Variants in GLIS3 observed in about 807,000 individuals in gnomAD.
The protein encoded by GLIS3 is GLIS family zinc finger 3, also known as zinc finger protein GLIS3.
In GLIS3, 53 loss-of-function variants were observed where a neutral mutation model predicts 78.6. That is an observed-to-expected ratio of 0.67 (90% CI 0.54 to 0.85). GLIS3 has a LOEUF of 0.85. Ranked by LOEUF, GLIS3 falls within the 40% of genes least tolerant of loss-of-function variation. The pLI, the probability that GLIS3 is intolerant of heterozygous loss-of-function variation, is 0.00. For synonymous variants in GLIS3, 684 were observed against 509.9 expected, an observed-to-expected ratio of 1.34 and a Z score of -4.60; for missense variants, 1,703 against 1,231.1, an observed-to-expected ratio of 1.38 and a Z score of -5.74.
the GLIS3 span, among the ~76,000 whole-genome samples, chr9:4,377,926 C>G: frequency 0.02 from 2,976 of 152,118 alleles, 113 homozygotes; most frequent in African/African-American, 0.069. Context: ...TTTATAATAG[C>G]AACCAATATT....
chr9:4,051,610 G>A (rs1009815818), intron 4 of GLIS3, among the ~76,000 whole-genome samples: 4 of 152,170 alleles, frequency 2.6e-5, no homozygotes, highest in African/African-American at 7.2e-5. Context: ...ATAAAGACTT[G>A]AGAAACTAAA....
At chr9:3,885,457 G>A (rs117714387) in intron 7 of GLIS3, among the ~76,000 whole-genome samples, 4,331 of 152,216 alleles carry the variant, frequency 0.028, 88 homozygotes, top group Middle Eastern at 0.041. Flanking sequence ...AGGGGGAACC[G>A]GTATTACCCA....
chr9:4,079,042 A>T (rs1828322833), intron 4 of GLIS3, among the ~76,000 whole-genome samples: 1 of 152,160 alleles, frequency 6.6e-6, no homozygotes, highest in Non-Finnish European at 1.5e-5. Context: ...CCAAGGTAAA[A>T]CAGCTTAATG....
intron 4 of GLIS3, among the ~76,000 whole-genome samples, chr9:3,979,553 CT>C (rs1264180244): frequency 6.6e-6 from 1 of 152,150 alleles, no homozygotes; most frequent in Non-Finnish European, 1.5e-5. Context: ...GCTTCAGTTT[CT>C]TAATTGTTCT....
Position 4,133,430 on chromosome 9 carries a change from G to T in GLIS3, c.389-7489C>A, listed in dbSNP as rs554399682. Among the ~76,000 whole-genome samples, 3 of 152,246 alleles carry T rather than the reference G, an allele frequency of 2.0e-5. No homozygotes were observed. In the East Asian group the frequency reaches 5.8e-4, roughly 29 times the overall value. On this transcript the variant is annotated intron_variant, in intron 2 of 10. Transcript: ENST00000381971. ...ACCAACTAGGGTTGGGATATCACTC[G>T]ACACTTGGGTACTAAAAACAGACAG...
rs139519590 is a variant in GLIS3 at position 4,272,349 on chromosome 9, G to T, written c.388+13689C>A. Reference sequence around the variant, plus strand: ...CTGGTAGACATAATGTATCTTTCAGGAAATCACTCCCAATTGCCAAGAACC... The same window carrying T: ...CTGGTAGACATAATGTATCTTTCAGTAAATCACTCCCAATTGCCAAGAACC... On this transcript the variant is annotated intron_variant, in intron 2 of 10. Transcript: ENST00000381971. Among the ~76,000 whole-genome samples the T allele has an allele frequency of 9.9e-5, 15 of 152,180 alleles. No homozygotes were observed. The East Asian group carries it at 2.5e-3, about 25-fold the overall frequency.
At chr9:4,266,139 C>T (rs1323152817) in intron 2 of GLIS3, among the ~76,000 whole-genome samples, 2 of 151,680 alleles carry the variant, frequency 1.3e-5, no homozygotes, top group Admixed American at 1.3e-4. Flanking sequence ...AGGATGGTCT[C>T]GATCTCCTGA....
intron 2 of GLIS3, among the ~76,000 whole-genome samples, chr9:4,186,137 C>G (rs568660302): frequency 1.3e-5 from 2 of 149,452 alleles, no homozygotes; most frequent in African/African-American, 4.9e-5. Context: ...TCTCCTAATG[C>G]TATCCCTCCC....
intron 6 of GLIS3, among the ~76,000 whole-genome samples, chr9:3,902,333 T>C (rs1199971452): frequency 1.3e-5 from 2 of 152,192 alleles, no homozygotes; most frequent in Non-Finnish European, 2.9e-5. Context: ...GGAAAGGGGC[T>C]TTCAGATCCC....
rs956017333 is a variant in GLIS3 at position 3,824,630 on chromosome 9, G to A, written c.*3642C>T. On this transcript the variant is annotated 3_prime_UTR_variant, in exon 11 of 11. Transcript: ENST00000381971. ...AAACTATACATATTAATAGAAAAAA[G>A]TGTACCTAATTCTTTAAAAGATTTA... is the stretch of plus-strand genomic sequence containing the variant. The A allele has an allele frequency of 6.6e-6, 1 of 152,526 alleles. No individual in the cohort carries two copies. Among genetic ancestry groups the A allele is most frequent in the African/African-American group, 2.4e-5 (1 of 41,414 alleles). The allele number at this position is 152,526 out of a possible 1,614,324, so 9.4% of individuals were successfully genotyped here. A position where few individuals can be genotyped will look rare whatever the true frequency, so the allele number is the denominator to read the frequency against.
At chr9:4,289,351 T>C (rs1383095293) in intron 1 of GLIS3, among the ~76,000 whole-genome samples, 1 of 152,190 alleles carries the variant, frequency 6.6e-6, no homozygotes, top group Admixed American at 6.5e-5. Context: ...CATTTAAATC[T>C]GGACGGTAGA....
At chr9:4,461,946 T>C in the GLIS3 span, among the ~76,000 whole-genome samples, 1 of 152,194 alleles carries the variant, frequency 6.6e-6, no homozygotes, top group African/African-American at 2.4e-5. Flanking sequence ...GTTTTACATA[T>C]TATGTTTATG....
intron 4 of GLIS3, among the ~76,000 whole-genome samples, chr9:3,967,362 G>A (rs1246755499): frequency 6.6e-6 from 1 of 152,068 alleles, no homozygotes; most frequent in East Asian, 1.9e-4. Flanking sequence ...AATTAGCCAG[G>A]CGTGGTTGCA....
intron 4 of GLIS3, among the ~76,000 whole-genome samples, chr9:4,092,138 G>A (rs1310810464): frequency 7.1e-6 from 1 of 141,728 alleles, no homozygotes; most frequent in African/African-American, 2.6e-5. Flanking sequence ...TTATCTTACT[G>A]TAACTGTTTT....
chr9:4,000,114 G>T (rs1302265177), intron 4 of GLIS3, among the ~76,000 whole-genome samples: 2 of 152,026 alleles, frequency 1.3e-5, no homozygotes, highest in Admixed American at 6.6e-5. Context: ...ATAAAATTTG[G>T]TATAATTACT....
At chr9:4,462,540 T>G in the GLIS3 span, among the ~76,000 whole-genome samples, 2 of 151,666 alleles carry the variant, frequency 1.3e-5, no homozygotes, top group African/African-American at 4.9e-5. Context: ...GAGCATTGCT[T>G]GAAGCCAGGA....
At chr9:4,108,534 C>G (rs1207978864) in intron 4 of GLIS3, among the ~76,000 whole-genome samples, 1 of 152,172 alleles carries the variant, frequency 6.6e-6, no homozygotes, top group African/African-American at 2.4e-5. Context: ...AACCCCAAAT[C>G]CATTCTCTTG....
At chr9:4,094,011 G>A (rs749541143) in intron 4 of GLIS3, among the ~76,000 whole-genome samples, 14 of 152,028 alleles carry the variant, frequency 9.2e-5, no homozygotes, top group Non-Finnish European at 7.4e-5. Flanking sequence ...CATCATCCTC[G>A]TTGAATTCAG....
chr9:4,104,406 C>G (rs1297127859), intron 4 of GLIS3, among the ~76,000 whole-genome samples: 1 of 152,152 alleles, frequency 6.6e-6, no homozygotes, highest in Non-Finnish European at 1.5e-5. Flanking sequence ...CCAGCTATCC[C>G]AACTTCTACC....
Sources: gnomAD v4.1 joint callset for allele counts (sites outside exome capture counted in the v4.1 genomes callset) on GRCh38, gnomAD v4.1.1 for gene constraint, MANE v1.5 for transcripts, NCBI Gene and HGNC (gene_info 2026-07-23, HGNC 2026-07-21) for gene names.